The following ARMC2 variants were observed in gnomAD, a reference collection of about 807,000 sequenced individuals.
The protein encoded by ARMC2 is armadillo repeat containing 2.
In ARMC2, 67 loss-of-function variants were observed where a neutral mutation model predicts 90.3. That is an observed-to-expected ratio of 0.74 (90% confidence interval 0.61 to 0.91). The LOEUF is 0.91. Among genes scored for constraint, ARMC2 ranks in the 40% least tolerant of loss-of-function variants. The pLI, the probability that ARMC2 is intolerant of heterozygous loss-of-function variation, is 0.00. For synonymous variants in ARMC2, 393 were observed against 393.0 expected (o/e 1.00, Z 0.00); for missense variants, 920 against 1,030.9 (o/e 0.89, Z 1.47).
At chr6:108,928,320 C>T in intron 11 of ARMC2, 87 bp downstream of exon 11, 1 of 1,291,076 alleles carries the variant, frequency 7.7e-7, no homozygotes, top group Non-Finnish European at 1.0e-6. Context: ...GTGTGACTGG[C>T]AAGGAATCCT....
the ARMC2 span, among the ~76,000 whole-genome samples, chr6:109,020,549 T>C: frequency 6.6e-6 from 1 of 152,134 alleles, no homozygotes; most frequent in Non-Finnish European, 1.5e-5. Flanking sequence ...AAATGCAGGA[T>C]CAAGCAAACT....
intron 15 of ARMC2, among the ~76,000 whole-genome samples, chr6:108,963,877 G>A (rs1778168665): frequency 1.3e-5 from 2 of 152,198 alleles, no homozygotes; most frequent in Admixed American, 6.5e-5. Flanking sequence ...GAAGTTAGAT[G>A]AGTGTCACCT....
chr6:108,916,906 A>G (rs117731357), intron 10 of ARMC2, among the ~76,000 whole-genome samples: 1,734 of 152,230 alleles, frequency 0.011, 5 homozygotes, highest in South Asian at 0.031. Context: ...ACTAAGCCCA[A>G]ATTCTCCCGG....
rs1038960264 is a variant in ARMC2 at position 108,854,380 on chromosome 6, G to A, written c.113G>A (p.Arg38Lys). The A allele has an allele frequency of 3.1e-6, 5 of 1,613,194 alleles. No individual in the cohort carries two copies. Among genetic ancestry groups the A allele is most frequent in the Non-Finnish European group, 4.2e-6 (5 of 1,179,732 alleles). The stretch of plus-strand genomic sequence containing the variant: ...ATAAGTGAAGCAAGAAATGCATTAA[G>A]AACAGTTAGAACCCAAAGACCATTT... ...EIISEARNAL[R>K]TVRTQRPFTP... Residue 38 changes from arginine (R) to lysine (K), a missense_variant, in exon 2 of 18, where the codon AGA (arginine) becomes AAA (lysine). Physicochemically the swap from Arg to Lys is conservative, Grantham distance 26. Coordinates refer to ENST00000392644, the MANE Select transcript of ARMC2 (RefSeq NM_032131.6).
intron 10 of ARMC2, among the ~76,000 whole-genome samples, chr6:108,913,991 A>G (rs1773694477): frequency 6.6e-6 from 1 of 152,254 alleles, no homozygotes; most frequent in South Asian, 2.1e-4. Context: ...TGATTAGGAT[A>G]TATCTCAAAT....
the ARMC2 span, among the ~76,000 whole-genome samples, chr6:109,031,334 C>T: frequency 6.6e-6 from 1 of 152,164 alleles, no homozygotes; most frequent in Non-Finnish European, 1.5e-5. Context: ...AGTGACTGTG[C>T]ATGAGAAGCT....
the ARMC2 span, among the ~76,000 whole-genome samples, chr6:109,037,914 GCTGA>G: frequency 0.1 from 15,197 of 152,110 alleles, 907 homozygotes; most frequent in Middle Eastern, 0.19. Context: ...AATTCTATAA[GCTGA>G]CTAATTCCAT....
intron 4 of ARMC2, among the ~76,000 whole-genome samples, chr6:108,874,044 T>G (rs1776695068): frequency 6.6e-6 from 1 of 152,238 alleles, no homozygotes. Flanking sequence ...GTAAGGCTGC[T>G]GGGAGCTGTC....
At chr6:108,972,927 C>A (rs1583244752) in intron 17 of ARMC2, among the ~76,000 whole-genome samples, 1 of 151,948 alleles carries the variant, frequency 6.6e-6, no homozygotes, top group Admixed American at 6.6e-5. Flanking sequence ...CTCAGGCTCC[C>A]AATGTGTTGG....
At chr6:109,038,970 G>A in the ARMC2 span, among the ~76,000 whole-genome samples, 1 of 147,712 alleles carries the variant, frequency 6.8e-6, no homozygotes, top group Non-Finnish European at 1.5e-5. Flanking sequence ...GGAGAAGAAG[G>A]AAAAGAAAAA....
the ARMC2 span, among the ~76,000 whole-genome samples, chr6:109,022,137 A>T: frequency 0.19 from 29,558 of 151,592 alleles, 3,525 homozygotes; most frequent in African/African-American, 0.33. Flanking sequence ...TTTCCTATAG[A>T]GATGCACCCA....
chr6:108,999,359 A>T, the ARMC2 span, among the ~76,000 whole-genome samples: 1 of 152,182 alleles, frequency 6.6e-6, no homozygotes. Flanking sequence ...AATATATTCA[A>T]ATCTTGTATC....
intron 8 of ARMC2, among the ~76,000 whole-genome samples, chr6:108,908,308 C>T (rs527620258): frequency 1.3e-5 from 2 of 152,274 alleles, no homozygotes; most frequent in African/African-American, 4.8e-5. Flanking sequence ...CAGAAGCTGC[C>T]CCACAGGCAG....
the ARMC2 span, among the ~76,000 whole-genome samples, chr6:109,023,261 C>A: frequency 6.6e-6 from 1 of 152,206 alleles, no homozygotes; most frequent in Non-Finnish European, 1.5e-5. Context: ...TTCTCCCTGA[C>A]ACTTGAAAAC....
At chr6:108,938,020 T>TAAG (rs1776106593) in intron 12 of ARMC2, among the ~76,000 whole-genome samples, 1 of 152,216 alleles carries the variant, frequency 6.6e-6, no homozygotes, top group Admixed American at 6.5e-5. Flanking sequence ...ATTTTTATTA[T>TAAG]AAGTTTTTAA....
At chr6:108,917,037 A>G (rs999029958) in intron 10 of ARMC2, among the ~76,000 whole-genome samples, 8 of 152,230 alleles carry the variant, frequency 5.3e-5, no homozygotes, top group Non-Finnish European at 1.5e-5. Context: ...CAATGTAACT[A>G]TTAAAGCTCA....
intron 13 of ARMC2, among the ~76,000 whole-genome samples, chr6:108,954,960 C>T (rs1777463344): frequency 6.6e-6 from 1 of 152,144 alleles, no homozygotes; most frequent in Non-Finnish European, 1.5e-5. Flanking sequence ...TGCAGGCTCC[C>T]CTTCCTGGCA....
chr6:108,858,268 G>A lies in ARMC2; in HGVS notation c.288G>A (p.Glu96=), dbSNP rs774849207. The change falls in exon 3 of 18, where the codon GAG becomes GAA. Residue 96 remains glutamate (E), a synonymous_variant. Transcript: ENST00000392644. ...PISGTRLSPL[E]LKPKVPASPT... ...CTGGCACACGTCTTAGTCCACTAGAGCTGGTGAGTACTTTGTATAACCACC... is the reference window on the plus strand; with the variant it reads ...CTGGCACACGTCTTAGTCCACTAGAACTGGTGAGTACTTTGTATAACCACC... 2 of 1,605,026 alleles carry A rather than the reference G, an allele frequency of 1.2e-6. No individual in the cohort carries two copies. Among genetic ancestry groups the A allele is most frequent in the Non-Finnish European group, 1.7e-6 (2 of 1,173,374 alleles).
Position 108,894,448 on chromosome 6 carries a change from T to A in ARMC2, c.672-19T>A, listed in dbSNP as rs1272364890. The stretch of plus-strand genomic sequence containing the variant: ...AGTGTTTTCATGTTTGCGCTGAGTG[T>A]TTTATGTATTCCTCCTAGGGACCAG... On this transcript the variant is annotated intron_variant, in intron 5 of 17. Transcript: ENST00000392644. 2 of 1,599,614 alleles carry A rather than the reference T, an allele frequency of 1.3e-6. No homozygotes were observed. Among genetic ancestry groups the A allele is most frequent in the Non-Finnish European group, 1.7e-6 (2 of 1,174,368 alleles).
Sources: allele counts gnomAD v4.1 joint callset (sites outside exome capture counted in the v4.1 genomes callset), GRCh38; gene constraint gnomAD v4.1.1; transcripts MANE v1.5; gene names NCBI Gene and HGNC (gene_info 2026-07-23, HGNC 2026-07-21).